FERRY3: variants seen among roughly 807,000 people sequenced by gnomAD.
FERRY3 encodes protein C12orf4.
At chr12:4,505,942 G>A in the FERRY3 span, among the ~76,000 whole-genome samples, 626 of 152,080 alleles carry the variant, frequency 4.1e-3, 2 homozygotes, top group African/African-American at 0.014. Context: ...CTTACCTGAC[G>A]CTATATACAA....
At chr12:4,500,040 T>TA in the FERRY3 span, 3 of 1,211,500 alleles carry the variant, frequency 2.5e-6, no homozygotes, top group East Asian at 2.6e-5. Flanking sequence ...TCCATTAGTT[T>TA]AAAAAAATGT....
At chr12:4,510,396 G>T in the FERRY3 span, among the ~76,000 whole-genome samples, 7 of 112,758 alleles carry the variant, frequency 6.2e-5, no homozygotes, top group South Asian at 3.3e-4. Flanking sequence ...TACAGAGAAC[G>T]CCACAAAGAT....
the FERRY3 span, among the ~76,000 whole-genome samples, chr12:4,495,600 T>C: frequency 1.3e-5 from 2 of 152,296 alleles, no homozygotes; most frequent in South Asian, 2.1e-4. Context: ...GCATTAAAAT[T>C]AGGATACTAA....
chr12:4,525,299 AT>A, the FERRY3 span: 1 of 1,613,500 alleles, frequency 6.2e-7, no homozygotes, highest in Admixed American at 1.7e-5. Context: ...GTGAAGTTTT[AT>A]TACCCATTCT....
chr12:4,533,152 C>G, the FERRY3 span, among the ~76,000 whole-genome samples: 1 of 152,196 alleles, frequency 6.6e-6, no homozygotes, highest in African/African-American at 2.4e-5. Context: ...ATAAAATTAT[C>G]TGAATTTATA....
chr12:4,505,287 A>C, the FERRY3 span: 42 of 1,472,466 alleles, frequency 2.9e-5, no homozygotes, highest in Non-Finnish European at 1.9e-6. Context: ...AGTAATTTAA[A>C]ATAAAAAGAA....
the FERRY3 span, among the ~76,000 whole-genome samples, chr12:4,510,245 T>C: frequency 6.7e-6 from 1 of 148,306 alleles, no homozygotes; most frequent in Non-Finnish European, 1.5e-5. Flanking sequence ...TGAGACTATG[T>C]GAAAAGACCA....
chr12:4,517,087 C>T, the FERRY3 span: 14 of 1,572,666 alleles, frequency 8.9e-6, no homozygotes, highest in African/African-American at 2.7e-5. Flanking sequence ...TTTACTCCTG[C>T]GCTGGGTTCT....
chr12:4,491,360 C>T, the FERRY3 span: 3 of 742,560 alleles, frequency 4.0e-6, no homozygotes, highest in Admixed American at 7.4e-5. Context: ...GTTTGCTAAT[C>T]CCAACTGGAT....
the FERRY3 span, among the ~76,000 whole-genome samples, chr12:4,529,681 G>C: frequency 6.6e-6 from 1 of 151,904 alleles, no homozygotes; most frequent in South Asian, 2.1e-4. Flanking sequence ...CACTCAGAAG[G>C]TATATAAACC....
the FERRY3 span, among the ~76,000 whole-genome samples, chr12:4,502,905 AAAG>A: frequency 7.9e-5 from 12 of 152,268 alleles, no homozygotes; most frequent in African/African-American, 2.7e-4. This position sits in a 1 kb window ranked among gnomAD's most constrained non-coding sequence, Gnocchi z 4.2. Flanking sequence ...TGACAGTAAA[AAAG>A]AAAATTCGTG....
the FERRY3 span, among the ~76,000 whole-genome samples, chr12:4,496,977 C>T: frequency 6.6e-6 from 1 of 152,178 alleles, no homozygotes; most frequent in Admixed American, 6.5e-5. Flanking sequence ...AACTATTTGG[C>T]ATATCTACCA....
chr12:4,531,979 C>T, the FERRY3 span, among the ~76,000 whole-genome samples: 1 of 152,140 alleles, frequency 6.6e-6, no homozygotes. Context: ...AAAGAGAAAG[C>T]AGATAAGCTA....
the FERRY3 span, chr12:4,525,633 T>C: frequency 7.6e-7 from 1 of 1,319,012 alleles, no homozygotes; most frequent in Non-Finnish European, 1.1e-6. Flanking sequence ...TTTCAAGGTA[T>C]ATGATCCTTC....
chr12:4,505,495 G>C, the FERRY3 span: 1 of 693,744 alleles, frequency 1.4e-6, no homozygotes, highest in Non-Finnish European at 2.5e-6. Context: ...GCATCTATGT[G>C]CCAGGCATTC....
At chr12:4,517,822 A>T in the FERRY3 span, among the ~76,000 whole-genome samples, 1 of 151,682 alleles carries the variant, frequency 6.6e-6, no homozygotes, top group Admixed American at 6.6e-5. Flanking sequence ...TTTACCTCGT[A>T]ATGAGAATTC....
chr12:4,522,483 C>T, the FERRY3 span, among the ~76,000 whole-genome samples: 1 of 152,146 alleles, frequency 6.6e-6, no homozygotes, highest in African/African-American at 2.4e-5. Flanking sequence ...GCTATCACTG[C>T]AAAACTTACT....
At chr12:4,492,104 T>C in the FERRY3 span, among the ~76,000 whole-genome samples, 1 of 152,166 alleles carries the variant, frequency 6.6e-6, no homozygotes, top group Non-Finnish European at 1.5e-5. Flanking sequence ...TTTATGTAGA[T>C]TATATCTCTT....
At chr12:4,493,942 A>T in the FERRY3 span, among the ~76,000 whole-genome samples, 1 of 152,058 alleles carries the variant, frequency 6.6e-6, no homozygotes, top group African/African-American at 2.4e-5. Context: ...AAAATACAAA[A>T]ATTAGCTGGG....
Sources: allele counts gnomAD v4.1 joint callset (sites outside exome capture counted in the v4.1 genomes callset), GRCh38; gene constraint gnomAD v4.1.1; non-coding constraint Gnocchi (gnomAD v3.1); transcripts MANE v1.5; gene names NCBI Gene and HGNC (gene_info 2026-07-23, HGNC 2026-07-21).